PEX1: variants seen among roughly 807,000 people sequenced by gnomAD.
PEX1 encodes the protein peroxisomal biogenesis factor 1, also known as peroxisomal ATPase PEX1.
Under a neutral mutation model 152.5 loss-of-function variants are expected in PEX1, and 97 were observed. The observed-to-expected ratio is 0.64, with a 90% CI of 0.54 to 0.75. The LOEUF (loss-of-function observed/expected upper bound fraction) is 0.75, where lower values mean the gene tolerates loss of function less well. PEX1 is among the 30% of genes least tolerant of loss of function. The pLI, the probability that PEX1 is intolerant of heterozygous loss-of-function variation, is 0.00. For missense variants in PEX1, 1,357 were observed against 1,516.3 expected, an observed-to-expected ratio of 0.89 and a Z score of 1.74; for synonymous variants, 485 against 531.6, an observed-to-expected ratio of 0.91 and a Z score of 1.21.
intron 21 of PEX1, 100 bp downstream of exon 21, chr7:92,491,172 G>A (rs1791289970): frequency 2.5e-6 from 2 of 806,006 alleles, no homozygotes; most frequent in African/African-American, 3.4e-5. Flanking sequence ...AACCAACCAG[G>A]AAGAATATGT....
At chr7:92,506,939 A>T in intron 10 of PEX1, 55 bp downstream of exon 10, 1 of 1,588,666 alleles carries the variant, frequency 6.3e-7, no homozygotes, top group Non-Finnish European at 8.6e-7. Context: ...CCAAAGAAAG[A>T]TAAATGAAAA....
At chr7:92,518,120 A>G in intron 4 of PEX1, 21 bp downstream of exon 4, 4 of 1,605,268 alleles carry the variant, frequency 2.5e-6, no homozygotes, top group Non-Finnish European at 3.4e-6. Context: ...ATATGACAGC[A>G]AATATTACAA....
At chr7:92,501,278 T>A (rs1445931029) in intron 15 of PEX1, among the ~76,000 whole-genome samples, 1 of 152,114 alleles carries the variant, frequency 6.6e-6, no homozygotes, top group Admixed American at 6.6e-5. Context: ...GAGCTGTGAG[T>A]GTACTCCAGC....
intron 20 of PEX1, among the ~76,000 whole-genome samples, chr7:92,492,065 T>C (rs1791361530): frequency 6.6e-6 from 1 of 152,236 alleles, no homozygotes; most frequent in Admixed American, 6.5e-5. Flanking sequence ...AAATATCTAC[T>C]GTAAATATTA....
intron 16 of PEX1, among the ~76,000 whole-genome samples, chr7:92,498,949 C>G (rs895886427): frequency 2.0e-5 from 3 of 152,172 alleles, no homozygotes; most frequent in Admixed American, 2.0e-4. Flanking sequence ...TTGCCTTAAG[C>G]AAGAACATAA....
At position 92,517,435 on chromosome 7, in the gene PEX1, C is replaced by G; in HGVS notation, c.1080G>C (p.Gln360His). 6.2e-7 allele frequency: 1 copy of G among 1,613,844 alleles called. No individual in the cohort carries two copies. Among genetic ancestry groups the G allele is most frequent in the East Asian group, 2.2e-5 (1 of 44,858 alleles). The change falls in exon 5 of 24, where the codon CAG becomes CAC. Residue 360 changes from glutamine (Q) to histidine (H), a missense_variant. By Grantham distance (24) the Gln-to-His change is conservative (BLOSUM62 0). Coordinates refer to ENST00000248633, the MANE Select transcript of PEX1 (RefSeq NM_000466.3). ...QNVLSPEKEK[Q>H]MSEPLDQKKI... ...TTTTTTGATCTAGTGGCTCTGACAT[C>G]TGCTTCTCTTTTTCAGGTGATAACA...
In PEX1 at chr7:92,506,282, G is replaced by A. The variant is rs1792183650; in HGVS notation, c.1866C>T (p.Ala622=). 4 of 1,609,498 alleles carry A rather than the reference G, an allele frequency of 2.5e-6. No homozygotes were observed. The highest frequency in any genetic ancestry group is 3.4e-6 in the Non-Finnish European group (4 of 1,176,196). The change falls in exon 11 of 24, where the codon GCC becomes GCT. Residue 622 remains alanine, a synonymous_variant. Transcript: ENST00000248633. Reference sequence around the variant, plus strand: ...CTTTACAGTCAACTCTCTCCACATGGGCATCCAGTTTGTCAAATGCTTCTT... The same window carrying A: ...CTTTACAGTCAACTCTCTCCACATGAGCATCCAGTTTGTCAAATGCTTCTT... ...ICKEAFDKLD[A]HVERVDCKAL...
chr7:92,527,680 G>A (rs1280338172), intron 1 of PEX1, among the ~76,000 whole-genome samples: 1 of 152,198 alleles, frequency 6.6e-6, no homozygotes, highest in Non-Finnish European at 1.5e-5. Flanking sequence ...TGAAAATATG[G>A]ACGCTGTATC....
intron 20 of PEX1, chr7:92,491,718 C>T (rs574640300): frequency 3.9e-6 from 2 of 506,676 alleles, no homozygotes; most frequent in East Asian, 3.6e-5. Context: ...AATTTACCAA[C>T]CATCCCCCAA....
chr7:92,505,404 C>G (rs1440680635), intron 11 of PEX1, among the ~76,000 whole-genome samples: 3 of 121,068 alleles, frequency 2.5e-5, no homozygotes, highest in Non-Finnish European at 5.0e-5. Flanking sequence ...CAGAGCAAGA[C>G]TCTGTCTCAA....
intron 6 of PEX1, among the ~76,000 whole-genome samples, chr7:92,512,335 A>T (rs1007049801): frequency 1.2e-4 from 18 of 151,628 alleles, no homozygotes; most frequent in South Asian, 2.1e-4. Context: ...TAATCTATTT[A>T]AAAAAATTTT....
At chr7:92,497,960 C>T (rs1396077333) in intron 16 of PEX1, among the ~76,000 whole-genome samples, 5 of 147,982 alleles carry the variant, frequency 3.4e-5, no homozygotes, top group African/African-American at 1.2e-4. Context: ...CCCAGCTACT[C>T]GGGAGGCTGA....
At chr7:92,525,232 G>C (rs1344765264) in intron 1 of PEX1, among the ~76,000 whole-genome samples, 1 of 152,180 alleles carries the variant, frequency 6.6e-6, no homozygotes, top group Non-Finnish European at 1.5e-5. Context: ...TTTTCCAGGA[G>C]TCAAATCAAA....
chr7:92,497,006 A>G (rs1181707363), intron 16 of PEX1, among the ~76,000 whole-genome samples: 1 of 152,080 alleles, frequency 6.6e-6, no homozygotes, highest in Non-Finnish European at 1.5e-5. Context: ...TTGTTGCTTC[A>G]TTTTATTTAG....
intron 13 of PEX1, 100 bp downstream of exon 13, chr7:92,502,941 A>C: frequency 1.0e-6 from 1 of 990,030 alleles, no homozygotes; most frequent in Admixed American, 1.9e-5. Context: ...TAAAATCATT[A>C]AGAGAAGCAT....
chr7:92,513,708 T>C, intron 6 of PEX1, 140 bp downstream of exon 6: 1 of 614,098 alleles, frequency 1.6e-6, no homozygotes, highest in East Asian at 3.0e-5. Context: ...TGGCATATTT[T>C]ATGTTATATA....
chr7:92,508,271 C>A (rs1792293861), intron 9 of PEX1, among the ~76,000 whole-genome samples: 1 of 152,180 alleles, frequency 6.6e-6, no homozygotes, highest in Non-Finnish European at 1.5e-5. Flanking sequence ...TTACTTTATG[C>A]TGGGCACAGT....
rs969814143 is a variant in PEX1, at chr7:92,489,805, T to C, written c.3545A>G (p.Gln1182Arg). 3.1e-6 allele frequency: 5 copies of C among 1,613,926 alleles called. No individual in the cohort carries two copies. Among genetic ancestry groups the C allele is most frequent in the Non-Finnish European group, 4.2e-6 (5 of 1,179,966 alleles). The change falls in exon 22 of 24, where the codon CAA (glutamine) becomes CGA (arginine). Residue 1182 changes from glutamine to arginine, a missense_variant. Physicochemically the swap from Gln to Arg is conservative, Grantham distance 43. Coordinates refer to ENST00000248633, the MANE Select transcript of PEX1 (RefSeq NM_000466.3). ...SQPPVLRTAS[Q>R]EGCQELTQEQ... is the part of the protein sequence containing the mutation. ...TTGTGTAAGTTCTTGGCAACCCTCT[T>C]GTGAAGCTGTCCTTAACACTGGAGG...
At chr7:92,497,309 T>G (rs1475650621) in intron 16 of PEX1, among the ~76,000 whole-genome samples, 2 of 152,196 alleles carry the variant, frequency 1.3e-5, no homozygotes, top group Non-Finnish European at 1.5e-5. Context: ...AAGTGAATGG[T>G]GTAAGAAGGG....
Sources: allele counts gnomAD v4.1 joint callset (sites outside exome capture counted in the v4.1 genomes callset), GRCh38; gene constraint gnomAD v4.1.1; transcripts MANE v1.5; gene names NCBI Gene and HGNC (gene_info 2026-07-23, HGNC 2026-07-21).